ST6GAL1: variants seen among roughly 807,000 people sequenced by gnomAD.
ST6GAL1 encodes the protein ST6 beta-galactoside alpha-2,6-sialyltransferase 1, also known as beta-galactoside alpha-2,6-sialyltransferase 1.
A neutral mutation model predicts 38.0 loss-of-function variants in ST6GAL1; 20 were observed. The ratio of observed to expected loss-of-function variants is 0.53; its 90% confidence interval spans 0.37 to 0.77. The LOEUF is 0.77. Among genes scored for constraint, ST6GAL1 ranks in the 30% least tolerant of loss-of-function variants. The pLI is 0.00. For missense variants in ST6GAL1, 432 were observed against 496.4 expected, an observed-to-expected ratio of 0.87 and a Z score of 1.23; for synonymous variants, 196 against 188.2, an observed-to-expected ratio of 1.04 and a Z score of -0.34.
intron 1 of ST6GAL1, among the ~76,000 whole-genome samples, chr3:186,953,353 GCACA>G (rs887535473): frequency 6.6e-6 from 1 of 152,118 alleles, no homozygotes; most frequent in Non-Finnish European, 1.5e-5. Context: ...CAGATATAAA[GCACA>G]CTTTGGTCTC....
At chr3:187,005,162 G>T (rs571552830) in intron 2 of ST6GAL1, among the ~76,000 whole-genome samples, 1 of 151,876 alleles carries the variant, frequency 6.6e-6, no homozygotes, top group South Asian at 2.1e-4. Flanking sequence ...GGATGTAGGC[G>T]TAAGTGGGGT....
intron 2 of ST6GAL1, among the ~76,000 whole-genome samples, chr3:187,033,387 C>T (rs1025484053): frequency 2.4e-4 from 10 of 42,114 alleles, no homozygotes; most frequent in Admixed American, 1.6e-3. Context: ...CTGCCTGGGC[C>T]GACAGAGAGA....
chr3:187,066,244 G>A (rs571154165), intron 5 of ST6GAL1, among the ~76,000 whole-genome samples: 1 of 152,200 alleles, frequency 6.6e-6, no homozygotes, highest in African/African-American at 2.4e-5. Context: ...CTTGATTTGG[G>A]CCAGCAGACA....
chr3:186,941,996 A>G (rs34406259), intron 1 of ST6GAL1, among the ~76,000 whole-genome samples: 15,378 of 151,334 alleles, frequency 0.1, 895 homozygotes, highest in Non-Finnish European at 0.13. Flanking sequence ...TAGGCGACAG[A>G]GCAAGACTCC....
intron 2 of ST6GAL1, among the ~76,000 whole-genome samples, chr3:187,024,474 GTA>G (rs68068581): frequency 0.01 from 1,363 of 135,194 alleles, 14 homozygotes; most frequent in African/African-American, 0.023. Flanking sequence ...ATATATATGT[GTA>G]TATATATATA....
At chr3:186,999,240 C>A (rs17719057) in intron 2 of ST6GAL1, among the ~76,000 whole-genome samples, 1 of 152,152 alleles carries the variant, frequency 6.6e-6, no homozygotes, top group Non-Finnish European at 1.5e-5. Context: ...CCACTCGCCT[C>A]GTAGAAGGTG....
At chr3:187,048,028 C>A (rs1300715065) in intron 4 of ST6GAL1, among the ~76,000 whole-genome samples, 1 of 151,524 alleles carries the variant, frequency 6.6e-6, no homozygotes, top group Non-Finnish European at 1.5e-5. Flanking sequence ...CTGCAAGCTC[C>A]ACCTCCTGGG....
intron 2 of ST6GAL1, among the ~76,000 whole-genome samples, chr3:187,027,923 G>T (rs1217609367): frequency 6.6e-6 from 1 of 152,216 alleles, no homozygotes; most frequent in African/African-American, 2.4e-5. Context: ...GAAGCTAGGT[G>T]AAGAATATGC....
intron 2 of ST6GAL1, among the ~76,000 whole-genome samples, chr3:186,985,585 G>A (rs28712718): frequency 0.4 from 59,462 of 148,154 alleles, 12,259 homozygotes; most frequent in Non-Finnish European, 0.45. Context: ...GAAACATGGC[G>A]AAACCCCGTC....
intron 2 of ST6GAL1, chr3:187,006,336 A>G (rs1025808875): frequency 1.1e-5 from 1 of 91,326 alleles, no homozygotes; most frequent in African/African-American, 4.3e-5. Context: ...ACTCTGCCAC[A>G]TGACTTCTCA....
chr3:187,005,476 C>T (rs985631265), intron 2 of ST6GAL1, among the ~76,000 whole-genome samples: 1 of 151,814 alleles, frequency 6.6e-6, no homozygotes, highest in African/African-American at 2.4e-5. Flanking sequence ...GGGGTTTCAC[C>T]GTGTTAGCCA....
intron 1 of ST6GAL1, among the ~76,000 whole-genome samples, chr3:186,959,169 A>T (rs1470464711): frequency 6.6e-6 from 1 of 152,172 alleles, no homozygotes; most frequent in Admixed American, 6.5e-5. Context: ...GCAATGGCAG[A>T]AGAGCTTCCC....
intron 5 of ST6GAL1, among the ~76,000 whole-genome samples, chr3:187,062,398 C>G (rs9827876): frequency 0.099 from 15,138 of 152,146 alleles, 2,514 homozygotes; most frequent in African/African-American, 0.34. Context: ...TCAGACTACT[C>G]TTATTCACAA....
intron 1 of ST6GAL1, among the ~76,000 whole-genome samples, chr3:186,963,411 T>C (rs2108527025): frequency 6.6e-6 from 1 of 152,222 alleles, no homozygotes; most frequent in African/African-American, 2.4e-5. Flanking sequence ...ATACTATAGG[T>C]CAAAGGAGAC....
At chr3:187,039,881 G>A (rs1313238074) in intron 3 of ST6GAL1, among the ~76,000 whole-genome samples, 1 of 152,220 alleles carries the variant, frequency 6.6e-6, no homozygotes, top group Non-Finnish European at 1.5e-5. Context: ...TCAGATGAGT[G>A]CCCTGAGGCC....
chr3:187,045,171 A>G (rs1718252670), intron 4 of ST6GAL1, among the ~76,000 whole-genome samples: 1 of 152,214 alleles, frequency 6.6e-6, no homozygotes, highest in African/African-American at 2.4e-5. Flanking sequence ...GTTTTCTTTT[A>G]CAAATAACAT....
At chr3:186,977,129 A>T (rs1218723675) in intron 2 of ST6GAL1, among the ~76,000 whole-genome samples, 1 of 152,216 alleles carries the variant, frequency 6.6e-6, no homozygotes, top group East Asian at 1.9e-4. Flanking sequence ...TCAGCCAGCA[A>T]GGCATGTGGA....
chr3:187,040,427 G>T (rs536042807), intron 3 of ST6GAL1, among the ~76,000 whole-genome samples: 30 of 152,302 alleles, frequency 2.0e-4, no homozygotes, highest in African/African-American at 7.0e-4. Flanking sequence ...GTCCTTGGGT[G>T]GAAAGATGAT....
chr3:186,997,278 T>G (rs527246495), intron 2 of ST6GAL1, among the ~76,000 whole-genome samples: 1 of 152,256 alleles, frequency 6.6e-6, no homozygotes, highest in African/African-American at 2.4e-5. Context: ...TGTCACCCCC[T>G]GTTTTGTAAG....
Sources: allele counts gnomAD v4.1 joint callset (sites outside exome capture counted in the v4.1 genomes callset), GRCh38; gene constraint gnomAD v4.1.1; transcripts MANE v1.5; gene names NCBI Gene and HGNC (gene_info 2026-07-23, HGNC 2026-07-21).